Variants in GALNT2 observed in about 807,000 individuals in gnomAD.
GALNT2 encodes the protein polypeptide N-acetylgalactosaminyltransferase 2, also known as UDP-GalNAc:polypeptide N-acetylgalactosaminyltransferase 2.
In GALNT2, 31 loss-of-function variants were observed where a neutral mutation model predicts 81.4. That is an observed-to-expected ratio of 0.38 (90% confidence interval 0.29 to 0.51). The LOEUF is 0.51. GALNT2 is among the 20% of genes least tolerant of loss of function. GALNT2 has a pLI of 0.87. For missense variants in GALNT2, 629 were observed against 765.7 expected (o/e 0.82, Z 2.11); for synonymous variants, 303 against 287.4 (o/e 1.05, Z -0.55).
intron 1 of GALNT2, among the ~76,000 whole-genome samples, chr1:230,160,893 G>A (rs1662412106): frequency 6.6e-6 from 1 of 152,104 alleles, no homozygotes; most frequent in African/African-American, 2.4e-5. Context: ...ACTGTGGATA[G>A]TACTAGATTT....
At chr1:230,076,164 C>T (rs896403467) in intron 1 of GALNT2, among the ~76,000 whole-genome samples, 2 of 152,072 alleles carry the variant, frequency 1.3e-5, no homozygotes, top group South Asian at 2.1e-4. Flanking sequence ...TGCAGCTGCT[C>T]GAGGCAGTTT....
chr1:230,110,714 G>GTTTTTTTTTT (rs113630188), intron 1 of GALNT2, among the ~76,000 whole-genome samples: 4 of 137,656 alleles, frequency 2.9e-5, no homozygotes, highest in Non-Finnish European at 3.1e-5. Context: ...GTGCTTTTCT[G>GTTTTTTTTTT]TTTTTTTTTT....
chr1:230,179,093 T>C (rs1663077968), intron 2 of GALNT2, among the ~76,000 whole-genome samples: 2 of 149,424 alleles, frequency 1.3e-5, no homozygotes, highest in African/African-American at 4.9e-5. Flanking sequence ...AATATATTAA[T>C]ATTTAATATA....
chr1:230,071,009 G>A (rs1659353993), intron 1 of GALNT2, among the ~76,000 whole-genome samples: 1 of 152,124 alleles, frequency 6.6e-6, no homozygotes, highest in Non-Finnish European at 1.5e-5. Flanking sequence ...TTTGCAGTGG[G>A]AGTAATCATT....
At chr1:230,094,226 G>T (rs1037432993) in intron 1 of GALNT2, among the ~76,000 whole-genome samples, 11 of 145,246 alleles carry the variant, frequency 7.6e-5, no homozygotes, top group Admixed American at 7.1e-4. Context: ...GCTCAGGGTG[G>T]TGTCAAACTC....
chr1:230,148,330 G>C (rs1281734538), intron 1 of GALNT2, among the ~76,000 whole-genome samples: 1 of 152,234 alleles, frequency 6.6e-6, no homozygotes, highest in Non-Finnish European at 1.5e-5. Flanking sequence ...GGGAAAGGGG[G>C]CGTTTTCAGG....
At chr1:230,274,321 CAG>C (rs1368470660) in intron 14 of GALNT2, 122 bp from the exon 15 acceptor site, 1 of 1,304,472 alleles carries the variant, frequency 7.7e-7, no homozygotes, top group Non-Finnish European at 1.0e-6. Context: ...TCAGTTGGCT[CAG>C]GGGTTCTGAA....
At chr1:230,276,166 TAC>T (rs1281937571) in intron 15 of GALNT2, among the ~76,000 whole-genome samples, 1 of 151,766 alleles carries the variant, frequency 6.6e-6, no homozygotes, top group African/African-American at 2.4e-5. Context: ...TATACATATA[TAC>T]ACACACACAC....
In GALNT2 at chr1:230,279,502, G is replaced by T; in HGVS notation, c.*44G>T. Reference sequence around the variant, plus strand: ...GCCGTCCTGTCTCCTGCACCATTGGGTGGAGTCTGGTGATCACATTATTGA... The same window carrying T: ...GCCGTCCTGTCTCCTGCACCATTGGTTGGAGTCTGGTGATCACATTATTGA... On this transcript the variant is annotated 3_prime_UTR_variant, in exon 16 of 16. Coordinates refer to ENST00000366672, the MANE Select transcript of GALNT2 (RefSeq NM_004481.5). The surrounding 1 kb of genome is among the most constrained non-coding windows in gnomAD (Gnocchi z 4.6). 1 of 1,586,920 alleles carries T rather than the reference G, an allele frequency of 6.3e-7. No homozygotes were observed. The highest frequency in any genetic ancestry group is 1.3e-5 in the African/African-American group (1 of 74,262).
intron 3 of GALNT2, among the ~76,000 whole-genome samples, chr1:230,212,112 C>CT (rs1344282870): frequency 2.6e-5 from 4 of 152,176 alleles, no homozygotes; most frequent in African/African-American, 9.7e-5. Context: ...AGTTTTATCA[C>CT]TTGTCTATGA....
In GALNT2 at chr1:230,070,354, C is replaced by A. The variant is rs1414317601; in HGVS notation, c.126+2948C>A. 6.6e-6 allele frequency among the ~76,000 whole-genome samples: 1 copy of A among 152,144 alleles called. No individual in the cohort carries two copies. Among genetic ancestry groups the A allele is most frequent in the Admixed American group, 6.5e-5 (1 of 15,272 alleles). On this transcript the variant is annotated intron_variant, in intron 1 of 15. Coordinates refer to ENST00000366672, the MANE Select transcript of GALNT2 (RefSeq NM_004481.5). This position sits in a 1 kb window ranked among gnomAD's most constrained non-coding sequence, Gnocchi z 4.7. The stretch of plus-strand genomic sequence containing the variant: ...TTAAAATTTTAACCATGTTAAGTCT[C>A]CCCTGGGCTTTGGTACGTTGGCAGT...
chr1:230,144,187 A>G (rs1240615475), intron 1 of GALNT2, among the ~76,000 whole-genome samples: 1 of 152,142 alleles, frequency 6.6e-6, no homozygotes, highest in African/African-American at 2.4e-5. Flanking sequence ...CATGTCAAAG[A>G]GTTGACACTG....
chr1:230,059,124 A>G (rs959115456), intron 1 of GALNT2, among the ~76,000 whole-genome samples: 4 of 152,198 alleles, frequency 2.6e-5, no homozygotes, highest in Non-Finnish European at 5.9e-5. Flanking sequence ...AGGAAATTGG[A>G]CAATCAGATT....
chr1:230,133,609 G>T lies in GALNT2; in HGVS notation c.127-44609G>T, dbSNP rs540335020. Among the ~76,000 whole-genome samples the T allele has an allele frequency of 5.9e-5, 9 of 152,018 alleles. No individual in the cohort carries two copies. The South Asian group carries it at 1.9e-3, about 32-fold the overall frequency. ...GCTGGGATTATAGGCGCCCGCCACC[G>T]CGCCCAGCTAATTTTTTGTGTTTTT... On this transcript the variant is annotated intron_variant, in intron 1 of 15. Coordinates refer to ENST00000366672, the MANE Select transcript of GALNT2 (RefSeq NM_004481.5).
intron 1 of GALNT2, among the ~76,000 whole-genome samples, chr1:230,118,724 C>G (rs565694817): frequency 6.6e-6 from 1 of 152,170 alleles, no homozygotes; most frequent in Non-Finnish European, 1.5e-5. Context: ...CGCACTGTCT[C>G]GGTGGGAGCA....
chr1:230,193,029 C>A lies in GALNT2; in HGVS notation c.221-10108C>A, dbSNP rs993274291. On this transcript the variant is annotated intron_variant, in intron 2 of 15. Coordinates refer to ENST00000366672, the MANE Select transcript of GALNT2 (RefSeq NM_004481.5). The surrounding 1 kb of genome is among the most constrained non-coding windows in gnomAD (Gnocchi z 4.3). Reference sequence around the variant, plus strand: ...GAGGAAGAATATTAGGATTTTTTTTCTTTTAAGCACAGTAAAATTACATTC... The same window carrying A: ...GAGGAAGAATATTAGGATTTTTTTTATTTTAAGCACAGTAAAATTACATTC... Among the ~76,000 whole-genome samples, 1 of 151,916 alleles carries A rather than the reference C, an allele frequency of 6.6e-6. No individual in the cohort carries two copies. The highest frequency in any genetic ancestry group is 1.5e-5 in the Non-Finnish European group (1 of 67,958).
chr1:230,097,098 C>T (rs922441624), intron 1 of GALNT2, among the ~76,000 whole-genome samples: 1 of 152,150 alleles, frequency 6.6e-6, no homozygotes, highest in Non-Finnish European at 1.5e-5. Context: ...CCAGTATCAT[C>T]GGTGCCCTCA....
intron 1 of GALNT2, among the ~76,000 whole-genome samples, chr1:230,093,756 T>C (rs1057064905): frequency 6.6e-6 from 1 of 152,234 alleles, no homozygotes; most frequent in African/African-American, 2.4e-5. Context: ...AATACTATTA[T>C]GTTATAGTTG....
At chr1:230,058,997 C>T (rs1033329096) in intron 1 of GALNT2, among the ~76,000 whole-genome samples, 2 of 152,192 alleles carry the variant, frequency 1.3e-5, no homozygotes, top group Non-Finnish European at 2.9e-5. Context: ...GGCGTGCGAA[C>T]GAGTTCCCAT....
Sources: gnomAD v4.1 joint callset for allele counts (sites outside exome capture counted in the v4.1 genomes callset) on GRCh38, gnomAD v4.1.1 for gene constraint, Gnocchi (gnomAD v3.1) non-coding constraint, MANE v1.5 for transcripts, NCBI Gene and HGNC (gene_info 2026-07-23, HGNC 2026-07-21) for gene names.